Variants in NTM observed in about 807,000 individuals in gnomAD.
NTM encodes IgLON family member 2.
In NTM, 13 loss-of-function variants were observed where a neutral mutation model predicts 42.1. The observed-to-expected ratio is 0.31, with a 90% CI of 0.20 to 0.49. The LOEUF is 0.49. Ranked by LOEUF, NTM falls within the 20% of genes least tolerant of loss-of-function variation. The pLI is 0.99. For synonymous variants in NTM, 187 were observed against 179.2 expected (o/e 1.04, Z -0.35); for missense variants, 373 against 452.8 (o/e 0.82, Z 1.60).
intron 1 of NTM, among the ~76,000 whole-genome samples, chr11:131,604,226 G>A (rs2060731122): frequency 6.6e-6 from 1 of 151,996 alleles, no homozygotes; most frequent in South Asian, 2.1e-4. Context: ...CTTCCTCGTG[G>A]GTGTGAAGTG....
chr11:131,709,459 T>C (rs914218426), intron 1 of NTM, among the ~76,000 whole-genome samples: 2 of 152,164 alleles, frequency 1.3e-5, no homozygotes, highest in African/African-American at 2.4e-5. Flanking sequence ...CAGGATTAGT[T>C]TGAATGCAAA....
intron 7 of NTM, among the ~76,000 whole-genome samples, chr11:132,316,977 G>T (rs1042103698): frequency 6.6e-6 from 1 of 152,180 alleles, no homozygotes; most frequent in Non-Finnish European, 1.5e-5. Flanking sequence ...AGTTAGAAAG[G>T]CAGCAAAATT....
intron 3 of NTM, among the ~76,000 whole-genome samples, chr11:132,202,269 G>C (rs757459434): frequency 6.6e-6 from 1 of 152,146 alleles, no homozygotes; most frequent in Admixed American, 6.5e-5. Context: ...TAGGAGTTAC[G>C]GTGAGGATTT....
intron 1 of NTM, among the ~76,000 whole-genome samples, chr11:131,826,074 C>T (rs934237958): frequency 6.6e-6 from 1 of 152,096 alleles, no homozygotes; most frequent in Non-Finnish European, 1.5e-5. Flanking sequence ...CTTTGATAAA[C>T]TCCAACTTTA....
intron 1 of NTM, among the ~76,000 whole-genome samples, chr11:131,889,147 G>C (rs1470869856): frequency 2.6e-5 from 4 of 152,180 alleles, no homozygotes; most frequent in Non-Finnish European, 5.9e-5. Context: ...TCTCCCAAAA[G>C]GAACATTCTT....
chr11:131,540,752 A>G (rs185687860), intron 1 of NTM: 3 of 152,352 alleles, frequency 2.0e-5, no homozygotes, highest in Admixed American at 2.0e-4. Context: ...GCCCAGCTGA[A>G]TCTGCACAAG....
In NTM at chr11:131,996,690, T is replaced by C. The variant is rs925376456; in HGVS notation, c.167+85042T>C. On this transcript the variant is annotated intron_variant, in intron 2 of 8. Coordinates refer to ENST00000683400, the MANE Select transcript of NTM (RefSeq NM_001352005.2). ...TTACAGCTGGGTCTTGTCGTCTTCA[T>C]ACTTGCTTTACCCGCCACTCTTCAA... Among the ~76,000 whole-genome samples, 4 of 151,878 alleles carry C rather than the reference T, an allele frequency of 2.6e-5. No homozygotes were observed. In the South Asian group the frequency reaches 8.4e-4, roughly 32 times the overall value.
intron 1 of NTM, among the ~76,000 whole-genome samples, chr11:131,440,670 T>A (rs1949537631): frequency 1.3e-5 from 2 of 151,828 alleles, no homozygotes; most frequent in Admixed American, 1.3e-4. Context: ...TGAAAACCAC[T>A]ACTCTAGAGA....
At chr11:132,054,382 G>A (rs1273298380) in intron 2 of NTM, among the ~76,000 whole-genome samples, 1 of 152,240 alleles carries the variant, frequency 6.6e-6, no homozygotes, top group Non-Finnish European at 1.5e-5. Flanking sequence ...AAACGAAGCT[G>A]TAGATTTAGC....
At chr11:131,967,679 G>A (rs1399822904) in intron 2 of NTM, among the ~76,000 whole-genome samples, 1 of 152,220 alleles carries the variant, frequency 6.6e-6, no homozygotes, top group East Asian at 1.9e-4. Flanking sequence ...ATTTAAGCCT[G>A]AAACGAAGGT....
intron 1 of NTM, among the ~76,000 whole-genome samples, chr11:131,753,819 C>A (rs2082911420): frequency 6.6e-6 from 1 of 151,522 alleles, no homozygotes; most frequent in African/African-American, 2.4e-5. Flanking sequence ...GTGCAGCACA[C>A]CAGCATGGCA....
At chr11:131,592,686 A>C (rs995488042) in intron 1 of NTM, among the ~76,000 whole-genome samples, 24 of 127,908 alleles carry the variant, frequency 1.9e-4, no homozygotes, top group Non-Finnish European at 3.3e-4. Flanking sequence ...ACACACACAC[A>C]CCATAGTTCA....
Position 131,371,730 on chromosome 11 carries a change from C to G in NTM, c.82+842C>G, listed in dbSNP as rs1941214979. Among the ~76,000 whole-genome samples the G allele has an allele frequency of 2.0e-5, 3 of 151,348 alleles. No individual in the cohort carries two copies. The South Asian group carries it at 6.4e-4, about 32-fold the overall frequency. ...CCTCCCCACACCCCATCCCGGCTCT[C>G]ACGTCTGTTCGTTCCAGCAACAGAA... On this transcript the variant is annotated intron_variant, in intron 1 of 8. Transcript: ENST00000683400.
At chr11:131,891,465 CA>C (rs770370634) in intron 1 of NTM, among the ~76,000 whole-genome samples, 1 of 151,898 alleles carries the variant, frequency 6.6e-6, no homozygotes, top group Non-Finnish European at 1.5e-5. Flanking sequence ...ACTTGACTTC[CA>C]AAAAAAGAGG....
At chr11:131,452,225 G>A (rs61493496) in intron 1 of NTM, among the ~76,000 whole-genome samples, 1 of 152,338 alleles carries the variant, frequency 6.6e-6, no homozygotes, top group South Asian at 2.1e-4. Flanking sequence ...GCAGTGCCTG[G>A]ACTCCCAAAC....
intron 1 of NTM, chr11:131,535,365 A>T (rs2052013246): frequency 6.6e-6 from 1 of 152,232 alleles, no homozygotes; most frequent in East Asian, 1.9e-4. Flanking sequence ...ATGTCACACT[A>T]TACTCTGGTC....
At chr11:132,075,226 G>A (rs190398518) in intron 2 of NTM, among the ~76,000 whole-genome samples, 181 of 152,278 alleles carry the variant, frequency 1.2e-3, no homozygotes, top group African/African-American at 4.1e-3. Flanking sequence ...CGCAAGATGT[G>A]TAAGTTCTGG....
At chr11:131,834,768 G>C (rs1022795713) in intron 1 of NTM, among the ~76,000 whole-genome samples, 1 of 151,758 alleles carries the variant, frequency 6.6e-6, no homozygotes, top group Non-Finnish European at 1.5e-5. Context: ...TTTACTATTA[G>C]AGCCATGATC....
chr11:131,632,181 A>G (rs925833917), intron 1 of NTM, among the ~76,000 whole-genome samples: 2 of 152,156 alleles, frequency 1.3e-5, no homozygotes, highest in Non-Finnish European at 2.9e-5. Context: ...TGTCAGGGAT[A>G]GCATTTTTTT....
Sources: gnomAD v4.1 joint callset for allele counts (sites outside exome capture counted in the v4.1 genomes callset) on GRCh38, gnomAD v4.1.1 for gene constraint, MANE v1.5 for transcripts, NCBI Gene and HGNC (gene_info 2026-07-23, HGNC 2026-07-21) for gene names.